The following PRKAR1B variants were observed in gnomAD, a reference collection of about 807,000 sequenced individuals.
The protein encoded by PRKAR1B is cAMP-dependent protein kinase type I-beta regulatory subunit.
In PRKAR1B, 22 loss-of-function variants were observed where a neutral mutation model predicts 46.5. That is an observed-to-expected ratio of 0.47 (90% CI 0.34 to 0.68). The LOEUF (loss-of-function observed/expected upper bound fraction) is 0.68, where lower values mean the gene tolerates loss of function less well. Ranked by LOEUF, PRKAR1B falls within the 30% of genes least tolerant of loss-of-function variation. PRKAR1B has a pLI of 0.01. For missense variants in PRKAR1B, 445 were observed against 535.6 expected (o/e 0.83, Z 1.67); for synonymous variants, 259 against 217.7 (o/e 1.19, Z -1.67).
intron 9 of PRKAR1B, 83 bp from the exon 10 acceptor site, chr7:551,553 T>C: frequency 3.6e-6 from 5 of 1,375,838 alleles, no homozygotes; most frequent in Non-Finnish European, 5.0e-6. Flanking sequence ...CCACAGGGGG[T>C]CACCACCCAA....
intron 2 of PRKAR1B, among the ~76,000 whole-genome samples, chr7:710,282 T>C (rs1036247733): frequency 5.3e-5 from 8 of 152,040 alleles, no homozygotes; most frequent in African/African-American, 1.9e-4. Flanking sequence ...GATAGTTAAG[T>C]TGTGATAAAA....
intron 4 of PRKAR1B, among the ~76,000 whole-genome samples, chr7:631,351 A>C (rs1376717861): frequency 6.6e-6 from 1 of 152,238 alleles, no homozygotes; most frequent in Non-Finnish European, 1.5e-5. Flanking sequence ...GTCATGCCAT[A>C]GACCTTACAG....
intron 4 of PRKAR1B, among the ~76,000 whole-genome samples, chr7:651,653 G>A (rs535197844): frequency 1.3e-5 from 2 of 151,830 alleles, no homozygotes; most frequent in African/African-American, 4.8e-5. Context: ...AGGAACCTGG[G>A]GAAACCCCTC....
Position 560,181 on chromosome 7 carries a change from G to A in PRKAR1B, c.892-8711C>T, listed in dbSNP as rs915454837. On this transcript the variant is annotated intron_variant, in intron 9 of 10. Coordinates refer to ENST00000537384, the MANE Select transcript of PRKAR1B (RefSeq NM_001164760.2). This position sits in a 1 kb window ranked among gnomAD's most constrained non-coding sequence, Gnocchi z 4.2. ...GACGGTTTTATAAGGGGCTTTCCCC[G>A]CTTTGTTCAGCTTTCATTCTCTTTC... 1.3e-5 allele frequency among the ~76,000 whole-genome samples: 2 copies of A among 152,008 alleles called. No individual in the cohort carries two copies. Among genetic ancestry groups the A allele is most frequent in the East Asian group, 1.9e-4 (1 of 5,192 alleles).
In PRKAR1B at chr7:562,592, C is replaced by G. The variant is rs541145611; in HGVS notation, c.892-11122G>C. ...CATCACCTGCAGGTGGGCCAAGCCC[C>G]GGCCTCCAGGGCCTCTCACACCCTT... On this transcript the variant is annotated intron_variant, in intron 9 of 10. Transcript: ENST00000537384. 4.6e-5 allele frequency among the ~76,000 whole-genome samples: 7 copies of G among 152,102 alleles called. No individual in the cohort carries two copies. In the South Asian group the frequency reaches 1.2e-3, roughly 27 times the overall value.
At chr7:685,348 GTATACATA>G (rs1779015788) in intron 2 of PRKAR1B, among the ~76,000 whole-genome samples, 1 of 43,650 alleles carries the variant, frequency 2.3e-5, no homozygotes, top group Non-Finnish European at 4.4e-5. Context: ...GTATATATAT[GTATACATA>G]TATATATACA....
intron 4 of PRKAR1B, among the ~76,000 whole-genome samples, chr7:619,575 T>C (rs1052159393): frequency 7.9e-5 from 12 of 152,160 alleles, no homozygotes; most frequent in Admixed American, 5.9e-4. Context: ...CCAGAGTCCT[T>C]GTCTTAACCA....
chr7:576,471 C>T (rs1025095799), intron 9 of PRKAR1B, among the ~76,000 whole-genome samples: 1 of 152,204 alleles, frequency 6.6e-6, no homozygotes, highest in Non-Finnish European at 1.5e-5. Flanking sequence ...AATGTCCGTG[C>T]AGCCTGCTGT....
chr7:599,001 C>CG (rs200130734), intron 6 of PRKAR1B, among the ~76,000 whole-genome samples: 1 of 152,242 alleles, frequency 6.6e-6, no homozygotes, highest in Non-Finnish European at 1.5e-5. Context: ...TGTCTCAAAG[C>CG]GGGGATCCGT....
intron 9 of PRKAR1B, among the ~76,000 whole-genome samples, chr7:551,694 A>G (rs1784214807): frequency 8.7e-6 from 1 of 114,430 alleles, no homozygotes; most frequent in Non-Finnish European, 1.8e-5. Flanking sequence ...CCAAACCCCC[A>G]TGTCCTGCCC....
At chr7:701,652 A>C (rs1447427697) in intron 2 of PRKAR1B, among the ~76,000 whole-genome samples, 1 of 152,226 alleles carries the variant, frequency 6.6e-6, no homozygotes, top group Non-Finnish European at 1.5e-5. Flanking sequence ...ACATAAAGCA[A>C]ATGAGGGTTC....
intron 2 of PRKAR1B, among the ~76,000 whole-genome samples, chr7:697,290 G>A (rs936426337): frequency 2.6e-5 from 4 of 152,240 alleles, no homozygotes; most frequent in Admixed American, 6.5e-5. Context: ...AGATTTCCTA[G>A]ACCCAAGTTT....
chr7:574,885 G>C (rs1357145976), intron 9 of PRKAR1B, among the ~76,000 whole-genome samples: 1 of 152,216 alleles, frequency 6.6e-6, no homozygotes, highest in African/African-American at 2.4e-5. Flanking sequence ...CTTGTCAATG[G>C]TTGTAAAACC....
rs149912001 is a variant in PRKAR1B, at chr7:718,364, C to CT, written c.-22-6838dup. Among the ~76,000 whole-genome samples, 646 of 138,722 alleles carry CT rather than the reference C, an allele frequency of 4.7e-3. 9 individuals are homozygous for CT. Among genetic ancestry groups the CT allele is most frequent in the African/African-American group, 0.015 (566 of 37,726 alleles). 91.0% of individuals were successfully genotyped at this position (138,722 alleles called of 152,430 possible). On this transcript the variant is annotated intron_variant, in intron 1 of 10. Transcript: ENST00000537384. The stretch of plus-strand genomic sequence containing the variant: ...TATATATATCTCCTCCTGCTTCAGC[C>CT]TTTTTTTTTTTTTCCAGAGTCTTGC...
At chr7:635,954 G>A (rs73669609) in intron 4 of PRKAR1B, among the ~76,000 whole-genome samples, 16,851 of 97,774 alleles carry the variant, frequency 0.17, 1,462 homozygotes, top group South Asian at 0.22. Flanking sequence ...ATCCTCCACC[G>A]GCCGCGCCCT....
At chr7:584,818 C>G (rs983136066) in intron 7 of PRKAR1B, among the ~76,000 whole-genome samples, 1 of 152,140 alleles carries the variant, frequency 6.6e-6, no homozygotes, top group African/African-American at 2.4e-5. Flanking sequence ...TGGCTGGCAG[C>G]AGAGTTCCCC....
At chr7:597,318 T>G (rs1195950122) in intron 6 of PRKAR1B, among the ~76,000 whole-genome samples, 1 of 152,124 alleles carries the variant, frequency 6.6e-6, no homozygotes, top group Non-Finnish European at 1.5e-5. Flanking sequence ...GCCACGCAGG[T>G]GTAACTCCAC....
At chr7:622,979 A>T (rs1783193768) in intron 4 of PRKAR1B, among the ~76,000 whole-genome samples, 1 of 152,122 alleles carries the variant, frequency 6.6e-6, no homozygotes. Flanking sequence ...GGTCAATGTT[A>T]TTTAAGGAAA....
chr7:691,068 C>T (rs930120551), intron 2 of PRKAR1B, among the ~76,000 whole-genome samples: 4 of 150,730 alleles, frequency 2.7e-5, no homozygotes, highest in Non-Finnish European at 4.4e-5. Flanking sequence ...CCCACCCACA[C>T]TGGCCAGTCC....
Sources: gnomAD v4.1 joint callset for allele counts (sites outside exome capture counted in the v4.1 genomes callset) on GRCh38, gnomAD v4.1.1 for gene constraint, Gnocchi (gnomAD v3.1) non-coding constraint, MANE v1.5 for transcripts, NCBI Gene and HGNC (gene_info 2026-07-23, HGNC 2026-07-21) for gene names.